SERAC1: variants seen among roughly 807,000 people sequenced by gnomAD.
The protein encoded by SERAC1 is serine active site containing 1.
In SERAC1, 36 loss-of-function variants were observed where a neutral mutation model predicts 85.7. The ratio of observed to expected loss-of-function variants is 0.42; its 90% CI spans 0.32 to 0.55. The LOEUF (loss-of-function observed/expected upper bound fraction) is 0.55. SERAC1 is among the 20% of genes least tolerant of loss of function. SERAC1 has a pLI of 0.11. For synonymous variants in SERAC1, 242 were observed against 265.3 expected, an observed-to-expected ratio of 0.91 and a Z score of 0.85; for missense variants, 629 against 796.2, an observed-to-expected ratio of 0.79 and a Z score of 2.53.
chr6:158,156,919 A>ATATTAATATATTTATATAG lies in SERAC1; in HGVS notation c.91+1353_91+1354insCTATATAAATATATTAATA, dbSNP rs1562459968. On this transcript the variant is annotated intron_variant, in intron 2 of 16. Transcript: ENST00000647468. Reference sequence around the variant, plus strand: ...ATATAGATATTAATATATTTATATAAATATTAATATATTTATATAGATATT... The same window carrying ATATTAATATATTTATATAG: ...ATATAGATATTAATATATTTATATAATATTAATATATTTATATAGATATTAATATATTTATATAGATATT... Among the ~76,000 whole-genome samples, 99 of 60,908 alleles carry ATATTAATATATTTATATAG rather than the reference A, an allele frequency of 1.6e-3. 2 individuals carry two copies. The highest frequency in any genetic ancestry group is 3.9e-3 in the African/African-American group (72 of 18,636). 40.0% of individuals were successfully genotyped at this position (60,908 alleles called of 152,430 possible). A position where few individuals can be genotyped will look rare whatever the true frequency, so the allele number is the denominator to read the frequency against.
At chr6:158,147,640 G>A (rs1470538394) in intron 5 of SERAC1, among the ~76,000 whole-genome samples, 5 of 149,832 alleles carry the variant, frequency 3.3e-5, no homozygotes, top group Admixed American at 1.3e-4. Flanking sequence ...TGTGGTGGCG[G>A]GCGCCTGCAG....
At chr6:158,142,943 C>T (rs1784952001) in intron 8 of SERAC1, 113 bp downstream of exon 8, 6 of 824,484 alleles carry the variant, frequency 7.3e-6, no homozygotes, top group South Asian at 5.2e-5. Context: ...GCATGACACA[C>T]AACCAGAAGT....
At chr6:158,138,702 G>C (rs1290136038) in intron 8 of SERAC1, among the ~76,000 whole-genome samples, 1 of 152,062 alleles carries the variant, frequency 6.6e-6, no homozygotes, top group African/African-American at 2.4e-5. Flanking sequence ...GAAACTATCA[G>C]ATGTTAGACA....
At chr6:158,148,741 C>A (rs1226778269) in intron 5 of SERAC1, 124 bp downstream of exon 5, 4 of 707,202 alleles carry the variant, frequency 5.7e-6, no homozygotes, top group Non-Finnish European at 8.9e-6. Flanking sequence ...CCATACCTGG[C>A]CTGATTAATT....
chr6:158,113,242 C>G, intron 16 of SERAC1: 1 of 510,104 alleles, frequency 2.0e-6, no homozygotes, highest in Non-Finnish European at 3.5e-6. Context: ...TAATCAGTTA[C>G]ATAAAGGGCA....
intron 12 of SERAC1, 56 bp downstream of exon 12, chr6:158,118,973 A>C: frequency 1.3e-6 from 2 of 1,557,328 alleles, no homozygotes; most frequent in South Asian, 2.4e-5. Flanking sequence ...AGCCACAATC[A>C]GGGCCCCAGC....
At chr6:158,124,979 C>G (rs947804249) in intron 10 of SERAC1, among the ~76,000 whole-genome samples, 3 of 151,914 alleles carry the variant, frequency 2.0e-5, no homozygotes, top group Non-Finnish European at 4.4e-5. Context: ...TCCATATATA[C>G]AGAAAAAAGG....
At chr6:158,150,363 A>T in intron 4 of SERAC1, 90 bp downstream of exon 4, 9 of 1,016,050 alleles carry the variant, frequency 8.9e-6, no homozygotes, top group Non-Finnish European at 1.3e-5. Flanking sequence ...CTCAATCTGT[A>T]TTACTAATAC....
intron 6 of SERAC1, 121 bp downstream of exon 6, chr6:158,146,661 T>A: frequency 8.2e-7 from 1 of 1,212,190 alleles, no homozygotes; most frequent in South Asian, 1.4e-5. Context: ...CCAACCAGCG[T>A]GGCCTCCCAA....
At chr6:158,116,151 A>G (rs1234576997) in intron 14 of SERAC1, 34 bp downstream of exon 14, 3 of 1,551,042 alleles carry the variant, frequency 1.9e-6, no homozygotes, top group Non-Finnish European at 2.7e-6. Context: ...ATAACATCAC[A>G]ATGGCCACTT....
In SERAC1 at chr6:158,110,177, G is replaced by C. The variant is rs940392912; in HGVS notation, c.*1189C>G. ...GAGGGTGGCTTGAGATCGGGAGTTTGAGACCTGGGCAACACAGTGAGACCC... is the reference window on the plus strand; with the variant it reads ...GAGGGTGGCTTGAGATCGGGAGTTTCAGACCTGGGCAACACAGTGAGACCC... On this transcript the variant is annotated 3_prime_UTR_variant, in exon 17 of 17. Coordinates refer to ENST00000647468, the MANE Select transcript of SERAC1 (RefSeq NM_032861.4). The C allele has an allele frequency of 1.3e-5, 2 of 152,250 alleles. No homozygotes were observed. The highest frequency in any genetic ancestry group is 6.5e-5 in the Admixed American group (1 of 15,280). 9.4% of individuals were successfully genotyped at this position (152,250 alleles called of 1,614,324 possible). A position where few individuals can be genotyped will look rare whatever the true frequency, so the allele number is the denominator to read the frequency against.
rs1313649260 is a variant in SERAC1, at chr6:158,120,392, AG to A, written c.1166+32del. The A allele has an allele frequency of 2.5e-6, 4 of 1,579,860 alleles. No individual in the cohort carries two copies. Among genetic ancestry groups the A allele is most frequent in the Non-Finnish European group, 3.4e-6 (4 of 1,160,470 alleles). ...AGGCCTCTAGGCTTCACATTTCCAA[AG>A]GGGACAAAGCAACTCTCTTCTGCTT... On this transcript the variant is annotated intron_variant, in intron 11 of 16. Transcript: ENST00000647468. This position sits in a 1 kb window ranked among gnomAD's most constrained non-coding sequence, Gnocchi z 4.4.
chr6:158,119,023 C>T lies in SERAC1; in HGVS notation c.1308+6G>A, dbSNP rs1478769857. The T allele has an allele frequency of 1.2e-6, 2 of 1,610,640 alleles. No homozygotes were observed. Among genetic ancestry groups the T allele is most frequent in the Admixed American group, 1.7e-5 (1 of 59,660 alleles). ...CAACCAGGGCCAGAGTCAGTGGCTC[C>T]CTTACCTTGGGCCAGCACGTCGTAT... is the stretch of plus-strand genomic sequence containing the variant. On this transcript the variant is annotated splice_donor_region_variant and intron_variant, in intron 12 of 16. Transcript: ENST00000647468. The surrounding 1 kb of genome is among the most constrained non-coding windows in gnomAD (Gnocchi z 4.5).
chr6:158,113,602 T>C lies in SERAC1; in HGVS notation c.1685-10A>G. The C allele has an allele frequency of 6.2e-7, 1 of 1,611,142 alleles. No homozygotes were observed. Among genetic ancestry groups the C allele is most frequent in the East Asian group, 2.2e-5 (1 of 44,830 alleles). On this transcript the variant is annotated splice_polypyrimidine_tract_variant and intron_variant, in intron 15 of 16. Coordinates refer to ENST00000647468, the MANE Select transcript of SERAC1 (RefSeq NM_032861.4). Reference sequence around the variant, plus strand: ...TTAAGTGCAGGAGAATCTGTAAAATTATACAGAACAAGACTGTGACAAGTT... The same window carrying C: ...TTAAGTGCAGGAGAATCTGTAAAATCATACAGAACAAGACTGTGACAAGTT...
rs1388547231 is a variant in SERAC1 at position 158,120,048 on chromosome 6, A to G, written c.1166+377T>C. Among the ~76,000 whole-genome samples the G allele has an allele frequency of 1.1e-4, 16 of 152,176 alleles. No homozygotes were observed. On this transcript the variant is annotated intron_variant, in intron 11 of 16. Coordinates refer to ENST00000647468, the MANE Select transcript of SERAC1 (RefSeq NM_032861.4). The surrounding 1 kb of genome is among the most constrained non-coding windows in gnomAD (Gnocchi z 4.4). Reference sequence around the variant, plus strand: ...GGCTAATTTGGTTGCCACATAAGACAATGTCTTATCTCCTTCCTATTCAGC... The same window carrying G: ...GGCTAATTTGGTTGCCACATAAGACGATGTCTTATCTCCTTCCTATTCAGC...
chr6:158,129,288 C>T lies in SERAC1; in HGVS notation c.853-1018G>A, dbSNP rs142392249. On this transcript the variant is annotated intron_variant, in intron 9 of 16. Transcript: ENST00000647468. ...TGTGGTCAGTTCCTAATTTCATGGG[C>T]GAGAACTAAAGATGACTTTCTACAC... Among the ~76,000 whole-genome samples the T allele has an allele frequency of 1.2e-3, 185 of 152,278 alleles. 1 individual carries two copies. Among genetic ancestry groups the T allele is most frequent in the Non-Finnish European group, 1.5e-3 (103 of 68,016 alleles).
chr6:158,143,012 G>C, intron 8 of SERAC1, 44 bp downstream of exon 8: 1 of 1,490,742 alleles, frequency 6.7e-7, no homozygotes, highest in Non-Finnish European at 9.3e-7. Context: ...CATTGGAAAG[G>C]GTGGACACTC....
intron 8 of SERAC1, among the ~76,000 whole-genome samples, chr6:158,134,383 G>C (rs1784746354): frequency 6.6e-6 from 1 of 152,120 alleles, no homozygotes; most frequent in Admixed American, 6.5e-5. Context: ...GCTTATTCTA[G>C]GGCTAGAACA....
At chr6:158,131,690 G>A (rs1015733199) in intron 8 of SERAC1, among the ~76,000 whole-genome samples, 5 of 151,850 alleles carry the variant, frequency 3.3e-5, no homozygotes, top group East Asian at 1.9e-4. Context: ...ACCTGGCATC[G>A]GTGATCAAGA....
Sources: gnomAD v4.1 joint callset for allele counts (sites outside exome capture counted in the v4.1 genomes callset) on GRCh38, gnomAD v4.1.1 for gene constraint, Gnocchi (gnomAD v3.1) non-coding constraint, MANE v1.5 for transcripts, NCBI Gene and HGNC (gene_info 2026-07-23, HGNC 2026-07-21) for gene names.